TARS3: variants seen among roughly 807,000 people sequenced by gnomAD.
The protein encoded by TARS3 is threonine--tRNA ligase 2, cytoplasmic.
A neutral mutation model predicts 103.5 loss-of-function variants in TARS3; 94 were observed. The ratio of observed to expected loss-of-function variants is 0.91; its 90% CI spans 0.77 to 1.08. TARS3 has a LOEUF of 1.08. TARS3 is among the 50% of genes least tolerant of loss of function. The pLI is 0.00. For missense variants in TARS3, 952 were observed against 995.2 expected, an observed-to-expected ratio of 0.96 and a Z score of 0.58; for synonymous variants, 416 against 355.4, an observed-to-expected ratio of 1.17 and a Z score of -1.92.
At chr15:101,704,217 G>C (rs1457061451) in intron 7 of TARS3, among the ~76,000 whole-genome samples, 1 of 152,210 alleles carries the variant, frequency 6.6e-6, no homozygotes, top group Non-Finnish European at 1.5e-5. Flanking sequence ...CTGGCTTACA[G>C]AGTGGCAAAC....
In TARS3 at chr15:101,714,970, A is replaced by C. The variant is rs768090795; in HGVS notation, c.567-7T>G. ...GCTTTCAGCCAGTTCCTGACTAAGAAGACAAAAGCCACTTGGGAGTTAACT... is the reference window on the plus strand; with the variant it reads ...GCTTTCAGCCAGTTCCTGACTAAGACGACAAAAGCCACTTGGGAGTTAACT... On this transcript the variant is annotated splice_region_variant and splice_polypyrimidine_tract_variant and intron_variant, in intron 3 of 18. Transcript: ENST00000335968. The C allele has an allele frequency of 5.6e-6, 9 of 1,605,730 alleles. No individual in the cohort carries two copies. The highest frequency in any genetic ancestry group is 6.8e-6 in the Non-Finnish European group (8 of 1,176,094).
In TARS3 at chr15:101,724,446, C is replaced by G; in HGVS notation, c.-59G>C. On this transcript the variant is annotated 5_prime_UTR_variant, in exon 1 of 19. Transcript: ENST00000335968. ...GTGCCCGCGACTGCGGCGAGGGCGA[C>G]GCGGACACTCAGCGCACGGCAGAAG... 7.4e-7 allele frequency: 1 copy of G among 1,352,668 alleles called. No individual in the cohort carries two copies. Among genetic ancestry groups the G allele is most frequent in the Non-Finnish European group, 9.4e-7 (1 of 1,059,822 alleles). The allele number at this position is 1,352,668 out of a possible 1,614,324, so 83.8% of individuals were successfully genotyped here.
intron 12 of TARS3, among the ~76,000 whole-genome samples, chr15:101,678,505 CT>C (rs60444420): frequency 1.8e-4 from 27 of 148,106 alleles, no homozygotes; most frequent in South Asian, 4.2e-4. Flanking sequence ...CTGTCTATAG[CT>C]TTTTTTTTTA....
At chr15:101,693,543 C>T (rs7495422) in intron 10 of TARS3, among the ~76,000 whole-genome samples, 41,625 of 152,028 alleles carry the variant, frequency 0.27, 6,565 homozygotes, top group East Asian at 0.68. Context: ...CCTGAAATCA[C>T]ACTCCTAGGT....
At chr15:101,706,567 T>C (rs916266833) in intron 6 of TARS3, among the ~76,000 whole-genome samples, 1 of 152,226 alleles carries the variant, frequency 6.6e-6, no homozygotes, top group African/African-American at 2.4e-5. Flanking sequence ...TTCTAGAAGA[T>C]CTAATTTTAA....
At chr15:101,707,064 C>T (rs1899602911) in intron 6 of TARS3, among the ~76,000 whole-genome samples, 1 of 151,934 alleles carries the variant, frequency 6.6e-6, no homozygotes, top group Non-Finnish European at 1.5e-5. Context: ...CACAAATGGC[C>T]AATAAGCACA....
chr15:101,723,275 C>A, intron 1 of TARS3, 111 bp from the exon 2 acceptor site: 3 of 868,734 alleles, frequency 3.5e-6, no homozygotes, highest in Non-Finnish European at 5.7e-6. Flanking sequence ...AGGCTCATAG[C>A]TGGGCTCTCC....
rs762254280 is a variant in TARS3 at position 101,701,161 on chromosome 15, G to A, written c.1245C>T (p.His415=). The A allele has an allele frequency of 3.4e-5, 54 of 1,595,048 alleles. No homozygotes were observed. The highest frequency in any genetic ancestry group is 1.7e-4 in the Middle Eastern group (1 of 5,984). ...IGKEQELFFF[H]DLSPGSCFFL... Reference sequence around the variant, plus strand: ...AAAAACAGCTTCCAGGACTCAAATCGTGGAAAAAGAAAAGTTCTTGTTCCT... The same window carrying A: ...AAAAACAGCTTCCAGGACTCAAATCATGGAAAAAGAAAAGTTCTTGTTCCT... The change falls in exon 10 of 19, where the codon CAC becomes CAT. Residue 415 remains histidine, a synonymous_variant. Coordinates refer to ENST00000335968, the MANE Select transcript of TARS3 (RefSeq NM_152334.3).
intron 10 of TARS3, among the ~76,000 whole-genome samples, chr15:101,695,504 C>T (rs1166657072): frequency 6.6e-6 from 1 of 152,196 alleles, no homozygotes; most frequent in East Asian, 1.9e-4. Context: ...CAAGCTGAAT[C>T]TGGGGTTGTT....
chr15:101,658,382 G>C (rs1402862394), intron 16 of TARS3, among the ~76,000 whole-genome samples: 1 of 150,280 alleles, frequency 6.7e-6, no homozygotes, highest in Non-Finnish European at 1.5e-5. Flanking sequence ...GCTCTTAAGG[G>C]AATTCCACTG....
At chr15:101,692,577 C>T (rs1310523433) in intron 10 of TARS3, among the ~76,000 whole-genome samples, 1 of 148,392 alleles carries the variant, frequency 6.7e-6, no homozygotes, top group East Asian at 2.0e-4. Context: ...CTCCATGGCT[C>T]CAAGCTCTCT....
intron 4 of TARS3, 35 bp downstream of exon 4, chr15:101,714,805 C>T: frequency 6.3e-7 from 1 of 1,595,224 alleles, no homozygotes; most frequent in Non-Finnish European, 8.5e-7. Flanking sequence ...AACATAACTA[C>T]CCAAAGTTTG....
Position 101,656,915 on chromosome 15 carries a change from A to T in TARS3, c.2260+7T>A, listed in dbSNP as rs1486255981. On this transcript the variant is annotated splice_region_variant and intron_variant, in intron 18 of 18. Transcript: ENST00000335968. The stretch of plus-strand genomic sequence containing the variant: ...CATTTGGAAAAATATATACAAACTT[A>T]AATTACCCAAAATAAAATTATACTG... 1 of 1,575,020 alleles carries T rather than the reference A, an allele frequency of 6.3e-7. No individual in the cohort carries two copies. The highest frequency in any genetic ancestry group is 8.7e-7 in the Non-Finnish European group (1 of 1,151,976).
At chr15:101,656,080 A>G (rs542148536) in intron 18 of TARS3, 1 of 1,282,112 alleles carries the variant, frequency 7.8e-7, no homozygotes, top group African/African-American at 1.5e-5. Flanking sequence ...AGAGCAAGAC[A>G]GGAACGAGAA....
intron 3 of TARS3, among the ~76,000 whole-genome samples, chr15:101,715,664 G>A (rs1900120103): frequency 6.6e-6 from 1 of 152,132 alleles, no homozygotes; most frequent in Admixed American, 6.5e-5. Context: ...GCCTCAGATT[G>A]CCTTCCAAAG....
intron 18 of TARS3, 62 bp downstream of exon 18, chr15:101,656,860 G>T: frequency 1.0e-6 from 1 of 975,876 alleles, no homozygotes; most frequent in Non-Finnish European, 1.6e-6. Flanking sequence ...TTCTTATTTG[G>T]TCTTTTGGAA....
intron 5 of TARS3, among the ~76,000 whole-genome samples, chr15:101,711,349 G>A (rs1899857618): frequency 6.6e-6 from 1 of 152,064 alleles, no homozygotes; most frequent in East Asian, 1.9e-4. Context: ...TTCAAAATTG[G>A]TCAACCAATC....
At chr15:101,700,146 T>A (rs372914131) in intron 10 of TARS3, among the ~76,000 whole-genome samples, 4 of 152,112 alleles carry the variant, frequency 2.6e-5, no homozygotes, top group Non-Finnish European at 5.9e-5. Flanking sequence ...ATAAAAAAAC[T>A]AAGTAAATGA....
Position 101,711,989 on chromosome 15 carries a change from A to G in TARS3, c.703T>C (p.Ser235Pro), listed in dbSNP as rs1206891441. 2 of 1,613,602 alleles carry G rather than the reference A, an allele frequency of 1.2e-6. No individual in the cohort carries two copies. Among genetic ancestry groups the G allele is most frequent in the Admixed American group, 1.7e-5 (1 of 59,970 alleles). The change falls in exon 5 of 19, where the codon TCC becomes CCC. Residue 235 changes from serine to proline, a missense_variant. Ser to Pro is a moderately conservative substitution (Grantham distance 74). This residue lies in a region of TARS3 where 412 missense variants were observed against 364.2 expected (regional missense o/e 1.13). Coordinates refer to ENST00000335968, the MANE Select transcript of TARS3 (RefSeq NM_152334.3). ...NEEAQAVYWHSSAHILGEAME... is the reference protein window; with the variant it reads ...NEEAQAVYWHPSAHILGEAME... ...GCCTCCCCAAGAATGTGAGCACTGG[A>G]GTGCCAGTACACCTGCATGGCATGG...
Sources: allele counts gnomAD v4.1 joint callset (sites outside exome capture counted in the v4.1 genomes callset), GRCh38; gene constraint gnomAD v4.1.1; regional missense constraint gnomAD v4.1.1; transcripts MANE v1.5; gene names NCBI Gene and HGNC (gene_info 2026-07-23, HGNC 2026-07-21).